Variants in LGR5 observed in about 807,000 individuals in gnomAD.
LGR5 encodes the protein leucine rich repeat containing G protein-coupled receptor 5.
LGR5 carries 54 observed loss-of-function variants against 76.7 expected under a neutral mutation model. That is an observed-to-expected ratio of 0.70 (90% confidence interval 0.57 to 0.88). The LOEUF is 0.88. Among genes scored for constraint, LGR5 ranks in the 40% least tolerant of loss-of-function variants. The probability of loss-of-function intolerance (pLI) is 0.00; values close to 1 mark genes in which losing one functional copy is unlikely to be tolerated. For synonymous variants in LGR5, 406 were observed against 421.9 expected, an observed-to-expected ratio of 0.96 and a Z score of 0.46; for missense variants, 1,078 against 1,073.3, an observed-to-expected ratio of 1.00 and a Z score of -0.06.
rs991273233 is a variant in LGR5, at chr12:71,545,050, T to C, written c.429-8023T>C. On this transcript the variant is annotated intron_variant, in intron 4 of 17. Transcript: ENST00000266674. ...ACTTTGGGAAGCCGAGGCAGGAGGA[T>C]TGCTTGAGCCCAGGAGTTCAAGACC... Among the ~76,000 whole-genome samples the C allele has an allele frequency of 2.0e-5, 3 of 152,068 alleles. No homozygotes were observed. The South Asian group carries it at 6.2e-4, about 32-fold the overall frequency.
At chr12:71,566,171 CTTG>C (rs1013477071) in intron 8 of LGR5, among the ~76,000 whole-genome samples, 5 of 152,154 alleles carry the variant, frequency 3.3e-5, no homozygotes, top group Admixed American at 2.6e-4. Context: ...TCATATCTCC[CTTG>C]TTGTCAGAAA....
chr12:71,537,474 TAAGAA>T (rs373750009), intron 4 of LGR5, among the ~76,000 whole-genome samples: 13 of 150,168 alleles, frequency 8.7e-5, no homozygotes, highest in South Asian at 2.1e-4. Flanking sequence ...CACTCCAGAG[TAAGAA>T]AAGAAAAGAA....
Position 71,448,084 on chromosome 12 carries a change from AACAC to A in LGR5, c.212+7818_212+7821del, listed in dbSNP as rs35911721. Among the ~76,000 whole-genome samples, 1,285 of 145,646 alleles carry A rather than the reference AACAC, an allele frequency of 8.8e-3. 7 individuals carry two copies. The highest frequency in any genetic ancestry group is 0.015 in the African/African-American group (616 of 39,812). ...TCCTCGTCTCCCTCACACACACACA[AACAC>A]ACACACACACACACACACACACACA... is the stretch of plus-strand genomic sequence containing the variant. On this transcript the variant is annotated intron_variant, in intron 1 of 17. Transcript: ENST00000266674.
intron 3 of LGR5, among the ~76,000 whole-genome samples, chr12:71,526,437 GA>G (rs35358850): frequency 0.15 from 21,353 of 144,718 alleles, 1,623 homozygotes; most frequent in Middle Eastern, 0.23. Flanking sequence ...CTTTCCATCA[GA>G]AAAAAAAAAA....
intron 2 of LGR5, among the ~76,000 whole-genome samples, chr12:71,506,538 T>C (rs1156431463): frequency 1.3e-5 from 2 of 152,122 alleles, no homozygotes; most frequent in East Asian, 3.8e-4. Context: ...CATTTGAAAA[T>C]GCTACTATTA....
chr12:71,499,818 C>G (rs1053864005), intron 1 of LGR5, among the ~76,000 whole-genome samples: 1 of 152,104 alleles, frequency 6.6e-6, no homozygotes, highest in Non-Finnish European at 1.5e-5. Flanking sequence ...GGGCTGCATT[C>G]CTTTTTGGGT....
Position 71,571,647 on chromosome 12 carries a change from C to G in LGR5, c.1136+68C>G, listed in dbSNP as rs1878616066. 3 of 1,158,130 alleles carry G rather than the reference C, an allele frequency of 2.6e-6. No homozygotes were observed. The Admixed American group carries it at 5.2e-5, about 20-fold the overall frequency. The allele number at this position is 1,158,130 out of a possible 1,614,324, so 71.7% of individuals were successfully genotyped here. A position where few individuals can be genotyped will look rare whatever the true frequency, so the allele number is the denominator to read the frequency against. ...TCAAAACTCACATTTCTCAGGGTCA[C>G]TGGTTCATTTACCCTGTGGTTCACT... On this transcript the variant is annotated intron_variant, in intron 12 of 17. Transcript: ENST00000266674.
chr12:71,463,842 T>C lies in LGR5; in HGVS notation c.212+23550T>C, dbSNP rs1480141312. ...TATAATATACATATATGTATACATA[T>C]ATATGTGTGTGTATATATATAATCT... On this transcript the variant is annotated intron_variant, in intron 1 of 17. Transcript: ENST00000266674. Among the ~76,000 whole-genome samples the C allele has an allele frequency of 3.3e-5, 5 of 152,098 alleles. No individual in the cohort carries two copies. The East Asian group carries it at 7.7e-4, about 23-fold the overall frequency.
intron 1 of LGR5, among the ~76,000 whole-genome samples, chr12:71,442,586 C>T (rs758406375): frequency 6.6e-6 from 1 of 152,104 alleles, no homozygotes; most frequent in African/African-American, 2.4e-5. Flanking sequence ...AGAAGTCAGT[C>T]CTGAAGTAAA....
chr12:71,449,314 C>A (rs1872155217), intron 1 of LGR5, among the ~76,000 whole-genome samples: 1 of 152,162 alleles, frequency 6.6e-6, no homozygotes, highest in Non-Finnish European at 1.5e-5. Flanking sequence ...ATTACTGTTC[C>A]TGTGGTGGAA....
At chr12:71,456,072 A>C (rs1310723390) in intron 1 of LGR5, among the ~76,000 whole-genome samples, 1 of 152,122 alleles carries the variant, frequency 6.6e-6, no homozygotes, top group Non-Finnish European at 1.5e-5. Context: ...ACTATGAGAA[A>C]TTTTCTAAGA....
intron 5 of LGR5, among the ~76,000 whole-genome samples, chr12:71,554,395 C>A (rs113308450): frequency 0.016 from 2,471 of 152,190 alleles, 43 homozygotes; most frequent in Non-Finnish European, 0.022. Flanking sequence ...TCTTGAACAC[C>A]AATCTTATGT....
rs1203622700 is a variant in LGR5, at chr12:71,556,664, T to C, written c.690T>C (p.Phe230=). The part of the protein sequence containing the change: ...NRIHSLGKKC[F]DGLHSLETLD... ...TCCACTCCCTGGGAAAGAAATGCTT[T>C]GATGGGCTCCACAGCCTAGAGACTT... Residue 230 remains phenylalanine, a synonymous_variant, in exon 6 of 18, where the codon TTT becomes TTC. Transcript: ENST00000266674. 6.2e-7 allele frequency: 1 copy of C among 1,612,548 alleles called. No individual in the cohort carries two copies. The highest frequency in any genetic ancestry group is 8.5e-7 in the Non-Finnish European group (1 of 1,178,544).
rs1879307592 is a variant in LGR5 at position 71,586,132 on chromosome 12, G to A, written c.*1398G>A. On this transcript the variant is annotated 3_prime_UTR_variant, in exon 18 of 18. Coordinates refer to ENST00000266674, the MANE Select transcript of LGR5 (RefSeq NM_003667.4). ...CAGTAACATTAAGGACCATGATAAT[G>A]ATAATAAACCTTGTACAGTGGCATA... 6.6e-6 allele frequency: 1 copy of A among 152,110 alleles called. No homozygotes were observed. The highest frequency in any genetic ancestry group is 1.5e-5 in the Non-Finnish European group (1 of 68,018). 9.4% of individuals were successfully genotyped at this position (152,110 alleles called of 1,614,324 possible).
intron 2 of LGR5, among the ~76,000 whole-genome samples, chr12:71,522,805 G>T (rs944300449): frequency 6.6e-6 from 1 of 152,152 alleles, no homozygotes; most frequent in Non-Finnish European, 1.5e-5. Context: ...TAGGGAAATC[G>T]TGGAGTTTTG....
At chr12:71,505,295 C>T (rs1874798476) in intron 2 of LGR5, among the ~76,000 whole-genome samples, 1 of 152,164 alleles carries the variant, frequency 6.6e-6, no homozygotes, top group South Asian at 2.1e-4. Flanking sequence ...GTTAATGATA[C>T]ACAGAGGAAT....
chr12:71,571,856 G>T (rs577001545), intron 12 of LGR5, among the ~76,000 whole-genome samples: 13 of 152,026 alleles, frequency 8.6e-5, no homozygotes, highest in African/African-American at 2.9e-4. Context: ...GGTGTGTTTG[G>T]GCTTTGAAAT....
Position 71,525,929 on chromosome 12 carries a change from A to G in LGR5, c.356+1452A>G, listed in dbSNP as rs181771335. Among the ~76,000 whole-genome samples the G allele has an allele frequency of 1.8e-3, 280 of 151,802 alleles. 1 individual carries two copies. Among genetic ancestry groups the G allele is most frequent in the African/African-American group, 6.4e-3 (266 of 41,486 alleles). On this transcript the variant is annotated intron_variant, in intron 3 of 17. Coordinates refer to ENST00000266674, the MANE Select transcript of LGR5 (RefSeq NM_003667.4). Reference sequence around the variant, plus strand: ...TCATATTTTTATATTTTATATTAATAGTTATACCATTATATATTTCTAATT... The same window carrying G: ...TCATATTTTTATATTTTATATTAATGGTTATACCATTATATATTTCTAATT...
chr12:71,469,449 T>G (rs1873000957), intron 1 of LGR5, among the ~76,000 whole-genome samples: 1 of 152,200 alleles, frequency 6.6e-6, no homozygotes, highest in Non-Finnish European at 1.5e-5. Context: ...TCACTCCAAT[T>G]GCCTGCCTCC....
Sources: allele counts gnomAD v4.1 joint callset (sites outside exome capture counted in the v4.1 genomes callset), GRCh38; gene constraint gnomAD v4.1.1; transcripts MANE v1.5; gene names NCBI Gene and HGNC (gene_info 2026-07-23, HGNC 2026-07-21).